Variants in ENOX2 observed in about 807,000 individuals in gnomAD.
The protein encoded by ENOX2 is APK1 antigen.
Under a neutral mutation model 45.0 loss-of-function variants are expected in ENOX2, and 36 were observed. The ratio of observed to expected loss-of-function variants is 0.80; its 90% CI spans 0.61 to 1.06. The LOEUF is 1.06. Among genes scored for constraint, ENOX2 ranks in the 50% least tolerant of loss-of-function variants. The pLI is 0.00. For missense variants in ENOX2, 423 were observed against 462.5 expected (o/e 0.91, Z 0.78); for synonymous variants, 174 against 152.3 (o/e 1.14, Z -1.05).
chrX:130,627,876 A>G lies in ENOX2; in HGVS notation c.1614+82T>C, dbSNP rs1402768821. 12 of 639,457 alleles carry G rather than the reference A, an allele frequency of 1.9e-5. No homozygotes were observed. The East Asian group carries it at 3.9e-4, about 21-fold the overall frequency. 52.7% of individuals were successfully genotyped at this position (639,457 alleles called of 1,213,427 possible). A position where few individuals can be genotyped will look rare whatever the true frequency, so the allele number is the denominator to read the frequency against. ...TCCTGAAAGCAGTAACTAATGACCT[A>G]TTTATGCTTGAGGAGAGTCAGGTCA... On this transcript the variant is annotated intron_variant, in intron 14 of 14. Transcript: ENST00000394363.
intron 2 of ENOX2, among the ~76,000 whole-genome samples, chrX:130,815,401 C>T (rs1229773823): frequency 9.0e-6 from 1 of 111,507 alleles, no homozygotes; most frequent in East Asian, 2.8e-4. Flanking sequence ...ACAGAGAACA[C>T]CACAAAGATA....
chrX:130,815,104 A>G (rs975183738), intron 2 of ENOX2, among the ~76,000 whole-genome samples: 1 of 111,902 alleles, frequency 8.9e-6, no homozygotes, highest in African/African-American at 3.3e-5. Context: ...TGAAGCATAC[A>G]CAAGTATCAA....
chrX:130,770,108 C>T (rs922577324), intron 3 of ENOX2, among the ~76,000 whole-genome samples: 3 of 111,279 alleles, frequency 2.7e-5, no homozygotes, highest in Non-Finnish European at 5.7e-5. Context: ...GTTAGAATGA[C>T]CAGAATTTAT....
At chrX:130,733,981 A>G (rs1006560486) in intron 3 of ENOX2, among the ~76,000 whole-genome samples, 1 of 112,529 alleles carries the variant, frequency 8.9e-6, no homozygotes, top group Non-Finnish European at 1.9e-5. Context: ...TAATTTTTAA[A>G]AAAGGAAAAG....
In ENOX2 at chrX:130,640,762, A is replaced by G. The variant is rs187742208; in HGVS notation, c.1130-3352T>C. On this transcript the variant is annotated intron_variant, in intron 10 of 14. Coordinates refer to ENST00000394363, the MANE Select transcript of ENOX2 (RefSeq NM_006375.4). ...CGCTGGGGCTTGTTGGAGGGTAGGG[A>G]CTGGGAGGAGGGAGAGCATCAGGAA... 3.8e-3 allele frequency among the ~76,000 whole-genome samples: 427 copies of G among 111,184 alleles called. 1 individual carries two copies. The highest frequency in any genetic ancestry group is 0.014 in the African/African-American group (414 of 30,552).
chrX:130,834,460 T>C (rs369999502), intron 2 of ENOX2, among the ~76,000 whole-genome samples: 2 of 111,576 alleles, frequency 1.8e-5, no homozygotes, highest in African/African-American at 6.5e-5. Flanking sequence ...CTCTTTTTTT[T>C]CCCCTGATAA....
chrX:130,723,821 T>G (rs1349045385), intron 3 of ENOX2, among the ~76,000 whole-genome samples: 1 of 111,802 alleles, frequency 8.9e-6, no homozygotes, highest in Non-Finnish European at 1.9e-5. Context: ...TACGTAGCAC[T>G]AATGTGACTC....
intron 3 of ENOX2, among the ~76,000 whole-genome samples, chrX:130,757,173 A>C (rs1196792148): frequency 4.5e-5 from 5 of 111,672 alleles, no homozygotes; most frequent in Non-Finnish European, 9.4e-5. Context: ...TTATCACTAA[A>C]ACCTATCTTG....
At chrX:130,678,503 C>T (rs1239132913) in intron 6 of ENOX2, among the ~76,000 whole-genome samples, 2 of 108,939 alleles carry the variant, frequency 1.8e-5, no homozygotes, top group African/African-American at 6.7e-5. Context: ...ACTTTCTATC[C>T]TCTGCTTGAA....
intron 3 of ENOX2, among the ~76,000 whole-genome samples, chrX:130,764,284 C>T (rs1239743824): frequency 9.0e-6 from 1 of 110,582 alleles, no homozygotes; most frequent in African/African-American, 3.3e-5. Flanking sequence ...GTGGAAGTTT[C>T]CCGATTTGTC....
intron 2 of ENOX2, among the ~76,000 whole-genome samples, chrX:130,832,466 CACA>C (rs1215084946): frequency 3.1e-3 from 344 of 109,249 alleles, no homozygotes; most frequent in African/African-American, 0.011. Context: ...CACACACACA[CACA>C]CCCCACTTGG....
At chrX:130,777,603 C>T (rs2039887133) in intron 3 of ENOX2, among the ~76,000 whole-genome samples, 1 of 111,552 alleles carries the variant, frequency 9.0e-6, no homozygotes, top group Non-Finnish European at 1.9e-5. Flanking sequence ...AGGCTACTTA[C>T]ACTTCATGTC....
chrX:130,751,293 TACA>T (rs779213058), intron 3 of ENOX2, among the ~76,000 whole-genome samples: 2 of 112,340 alleles, frequency 1.8e-5, no homozygotes, highest in South Asian at 7.5e-4. Flanking sequence ...AAAGGAATCA[TACA>T]ACATGTGACA....
intron 5 of ENOX2, among the ~76,000 whole-genome samples, chrX:130,682,957 C>A (rs2037350249): frequency 8.9e-6 from 1 of 111,859 alleles, no homozygotes; most frequent in African/African-American, 3.3e-5. Context: ...AGAGCAAATT[C>A]AAAGCCCACC....
chrX:130,684,559 G>T (rs1043818969), intron 5 of ENOX2, among the ~76,000 whole-genome samples: 19 of 111,403 alleles, frequency 1.7e-4, no homozygotes, highest in African/African-American at 5.9e-4. Context: ...CTCTTGCTTT[G>T]CTTTCTAGAC....
intron 10 of ENOX2, among the ~76,000 whole-genome samples, chrX:130,647,764 T>A (rs1292960444): frequency 1.8e-5 from 2 of 110,480 alleles, no homozygotes; most frequent in Admixed American, 9.6e-5. Flanking sequence ...AATTCAATAT[T>A]TTTTTTTTCA....
intron 5 of ENOX2, among the ~76,000 whole-genome samples, chrX:130,684,541 C>T (rs1603305582): frequency 1.8e-5 from 2 of 111,355 alleles, no homozygotes; most frequent in Non-Finnish European, 3.8e-5. Context: ...TAGTAATTAC[C>T]TCATACTCTC....
At chrX:130,851,652 T>C (rs1249984401) in intron 2 of ENOX2, among the ~76,000 whole-genome samples, 2 of 111,437 alleles carry the variant, frequency 1.8e-5, no homozygotes, top group Non-Finnish European at 3.8e-5. Context: ...AGGGAAAAGG[T>C]AGCATCCTTT....
At chrX:130,852,508 C>T (rs767940838) in intron 2 of ENOX2, among the ~76,000 whole-genome samples, 6 of 111,326 alleles carry the variant, frequency 5.4e-5, no homozygotes, top group Admixed American at 1.9e-4. Context: ...GAAAATAAAG[C>T]AGGGCAAACA....
Sources: gnomAD v4.1 joint callset for allele counts (sites outside exome capture counted in the v4.1 genomes callset) on GRCh38, gnomAD v4.1.1 for gene constraint, MANE v1.5 for transcripts, NCBI Gene and HGNC (gene_info 2026-07-23, HGNC 2026-07-21) for gene names.